The following IGF2BP3 variants were observed in gnomAD, a reference collection of about 807,000 sequenced individuals.
IGF2BP3 encodes the protein insulin-like growth factor 2 mRNA-binding protein 3.
A neutral mutation model predicts 73.8 loss-of-function variants in IGF2BP3; 9 were observed. The observed-to-expected ratio is 0.12, with a 90% CI of 0.07 to 0.21. IGF2BP3 has a LOEUF of 0.21. Ranked by LOEUF, IGF2BP3 falls within the 10% of genes least tolerant of loss-of-function variation. IGF2BP3 has a pLI of 1.00. For synonymous variants in IGF2BP3, 258 were observed against 256.7 expected, an observed-to-expected ratio of 1.01 and a Z score of -0.05; for missense variants, 542 against 714.0, an observed-to-expected ratio of 0.76 and a Z score of 2.75.
At chr7:23,400,338 A>G (rs1450397948) in intron 3 of IGF2BP3, among the ~76,000 whole-genome samples, 2 of 152,222 alleles carry the variant, frequency 1.3e-5, no homozygotes, top group Non-Finnish European at 2.9e-5. Flanking sequence ...AAGAAGTAGT[A>G]TCTCTAAGCT....
At chr7:23,331,964 C>T (rs777512992) in intron 10 of IGF2BP3, among the ~76,000 whole-genome samples, 2 of 151,466 alleles carry the variant, frequency 1.3e-5, no homozygotes, top group Admixed American at 6.6e-5. Context: ...TAACAAGGTA[C>T]GTCTTACTTG....
At chr7:23,321,698 G>A (rs1445039067) in intron 10 of IGF2BP3, among the ~76,000 whole-genome samples, 3 of 152,216 alleles carry the variant, frequency 2.0e-5, no homozygotes, top group African/African-American at 7.2e-5. Flanking sequence ...AGAGAGCAGT[G>A]GTTCTCCCAG....
Position 23,347,148 on chromosome 7 carries a change from G to A in IGF2BP3, c.818+452C>T, listed in dbSNP as rs546113838. ...TTCCTGTGGAAGAAATAGAGTTCCC[G>A]CCTGCATTACCCAGATAAATCTCCA... is the stretch of plus-strand genomic sequence containing the variant. On this transcript the variant is annotated intron_variant, in intron 7 of 14. Transcript: ENST00000258729. 4.8e-4 allele frequency among the ~76,000 whole-genome samples: 73 copies of A among 152,140 alleles called. 1 individual carries two copies. The highest frequency in any genetic ancestry group is 1.5e-3 in the African/African-American group (62 of 41,484).
At chr7:23,368,754 G>A (rs969127626) in intron 3 of IGF2BP3, among the ~76,000 whole-genome samples, 2 of 152,096 alleles carry the variant, frequency 1.3e-5, no homozygotes, top group African/African-American at 4.8e-5. Context: ...AAAATTAGCC[G>A]GGCGTGGTCG....
intron 3 of IGF2BP3, among the ~76,000 whole-genome samples, chr7:23,392,123 AAAG>A (rs545399896): frequency 5.3e-5 from 8 of 152,196 alleles, no homozygotes; most frequent in Admixed American, 1.3e-4. Flanking sequence ...GGTAAGCAGT[AAAG>A]AAGGAGAGAC....
chr7:23,399,900 C>T (rs1209271744), intron 3 of IGF2BP3, among the ~76,000 whole-genome samples: 1 of 152,096 alleles, frequency 6.6e-6, no homozygotes, highest in Non-Finnish European at 1.5e-5. Flanking sequence ...CTTTAAAATT[C>T]CTAAGAAAGG....
Position 23,341,722 on chromosome 7 carries a change from G to A in IGF2BP3, c.1203+342C>T, listed in dbSNP as rs960842443. ...ACATGTATACCTATGTAACAAACCT[G>A]CACATTCTGCACATGTATCCGAGAA... On this transcript the variant is annotated intron_variant, in intron 10 of 14. Coordinates refer to ENST00000258729, the MANE Select transcript of IGF2BP3 (RefSeq NM_006547.3). 2.9e-4 allele frequency among the ~76,000 whole-genome samples: 43 copies of A among 150,026 alleles called. 1 individual carries two copies. The highest frequency in any genetic ancestry group is 1.1e-3 in the South Asian group (5 of 4,756).
At chr7:23,360,897 G>A (rs1479417778) in intron 5 of IGF2BP3, among the ~76,000 whole-genome samples, 1 of 152,156 alleles carries the variant, frequency 6.6e-6, no homozygotes, top group African/African-American at 2.4e-5. Context: ...ATCTGTTAAA[G>A]GCCATATTTG....
At chr7:23,453,741 C>T (rs1375022323) in intron 2 of IGF2BP3, among the ~76,000 whole-genome samples, 1 of 152,208 alleles carries the variant, frequency 6.6e-6, no homozygotes, top group African/African-American at 2.4e-5. Flanking sequence ...TTGCCAACAC[C>T]AGATACGGCC....
chr7:23,382,691 A>G (rs998565966), intron 3 of IGF2BP3, among the ~76,000 whole-genome samples: 2 of 152,096 alleles, frequency 1.3e-5, no homozygotes, highest in African/African-American at 4.8e-5. Context: ...GTGACACCTC[A>G]GACAAGTAAG....
At chr7:23,442,483 C>T (rs973765330) in intron 2 of IGF2BP3, among the ~76,000 whole-genome samples, 2 of 152,004 alleles carry the variant, frequency 1.3e-5, no homozygotes, top group African/African-American at 4.8e-5. Context: ...GTGCAACCAC[C>T]GTCGCCCGGG....
At chr7:23,383,623 A>T (rs1785983058) in intron 3 of IGF2BP3, among the ~76,000 whole-genome samples, 1 of 152,170 alleles carries the variant, frequency 6.6e-6, no homozygotes, top group Non-Finnish European at 1.5e-5. Context: ...CTGCAAGTGA[A>T]CTCCTAGAAA....
At chr7:23,404,864 G>A (rs866091149) in intron 3 of IGF2BP3, among the ~76,000 whole-genome samples, 3 of 151,974 alleles carry the variant, frequency 2.0e-5, no homozygotes, top group African/African-American at 7.3e-5. Context: ...ACTCCCAATT[G>A]GTTTACTGTT....
chr7:23,428,528 A>T (rs7777993), intron 2 of IGF2BP3, among the ~76,000 whole-genome samples: 127,595 of 146,440 alleles, frequency 0.87, 56,544 homozygotes, highest in Non-Finnish European at 0.96. Context: ...AGAAAAAAAA[A>T]ATATATATAT....
intron 10 of IGF2BP3, among the ~76,000 whole-genome samples, chr7:23,337,771 G>A (rs1288043344): frequency 6.6e-6 from 1 of 152,182 alleles, no homozygotes; most frequent in Non-Finnish European, 1.5e-5. Context: ...CTGGGCTCAA[G>A]CAATCCTCCC....
At chr7:23,380,928 A>G (rs1291665892) in intron 3 of IGF2BP3, among the ~76,000 whole-genome samples, 1 of 152,230 alleles carries the variant, frequency 6.6e-6, no homozygotes. Flanking sequence ...TGTGGAAATT[A>G]GTTACAGCAG....
intron 3 of IGF2BP3, among the ~76,000 whole-genome samples, chr7:23,373,135 T>C (rs535409628): frequency 6.6e-6 from 1 of 152,354 alleles, no homozygotes; most frequent in African/African-American, 2.4e-5. Flanking sequence ...AAGAGCTTTA[T>C]TAACTCCCAT....
chr7:23,337,806 A>G (rs556264233), intron 10 of IGF2BP3, among the ~76,000 whole-genome samples: 2 of 152,268 alleles, frequency 1.3e-5, no homozygotes, highest in East Asian at 3.9e-4. Context: ...AGTAGCTGGG[A>G]CTACAGGTGT....
chr7:23,394,839 G>T (rs1489019517), intron 3 of IGF2BP3, among the ~76,000 whole-genome samples: 2 of 152,322 alleles, frequency 1.3e-5, no homozygotes, highest in African/African-American at 4.8e-5. Context: ...TTAACACAAT[G>T]AAGCCATGTC....
Sources: allele counts gnomAD v4.1 joint callset (sites outside exome capture counted in the v4.1 genomes callset), GRCh38; gene constraint gnomAD v4.1.1; transcripts MANE v1.5; gene names NCBI Gene and HGNC (gene_info 2026-07-23, HGNC 2026-07-21).